The following TBC1D9 variants were observed in gnomAD, a reference collection of about 807,000 sequenced individuals.
TBC1D9 encodes TBC1 domain family member 9, also known as TBC1 domain family member 9A.
Under a neutral mutation model 132.0 loss-of-function variants are expected in TBC1D9, and 63 were observed. The ratio of observed to expected loss-of-function variants is 0.48; its 90% CI spans 0.39 to 0.59. TBC1D9 has a LOEUF of 0.59. Among genes scored for constraint, TBC1D9 ranks in the 20% least tolerant of loss-of-function variants. The pLI is 0.00. For synonymous variants in TBC1D9, 610 were observed against 609.9 expected, an observed-to-expected ratio of 1.00 and a Z score of 0.00; for missense variants, 1,261 against 1,592.7, an observed-to-expected ratio of 0.79 and a Z score of 3.54.
Position 140,747,042 on chromosome 4 carries a change from G to A in TBC1D9, c.130+8874C>T, listed in dbSNP as rs115510857. Among the ~76,000 whole-genome samples the A allele has an allele frequency of 4.1e-3, 619 of 149,368 alleles. 3 individuals are homozygous for A. Among genetic ancestry groups the A allele is most frequent in the African/African-American group, 0.015 (592 of 39,224 alleles). Reference sequence around the variant, plus strand: ...AAAATAAATAAATAAATAAATAAATGCATATAAAGAAGAATACTAAATAGG... The same window carrying A: ...AAAATAAATAAATAAATAAATAAATACATATAAAGAAGAATACTAAATAGG... On this transcript the variant is annotated intron_variant, in intron 1 of 20. Transcript: ENST00000442267.
intron 1 of TBC1D9, among the ~76,000 whole-genome samples, chr4:140,735,425 A>G (rs1738657602): frequency 6.6e-6 from 1 of 152,232 alleles, no homozygotes; most frequent in Admixed American, 6.5e-5. Context: ...ATAAGCATAT[A>G]TGTCAGCTGG....
chr4:140,641,421 ATTG>A (rs1015361241), intron 13 of TBC1D9, among the ~76,000 whole-genome samples: 8 of 152,100 alleles, frequency 5.3e-5, no homozygotes, highest in African/African-American at 1.9e-4. Flanking sequence ...TTTTTGTTTT[ATTG>A]TTGTTGTTAA....
rs561387969 is a variant in TBC1D9 at position 140,698,813 on chromosome 4, C to T, written c.241+2691G>A. ...ACTAAATCCTTGAAGGAGAATTACC[C>T]AGGCAATGGAGCTTGCCAGCAGCCT... On this transcript the variant is annotated intron_variant, in intron 2 of 20. Coordinates refer to ENST00000442267, the MANE Select transcript of TBC1D9 (RefSeq NM_015130.3). Among the ~76,000 whole-genome samples, 4 of 152,268 alleles carry T rather than the reference C, an allele frequency of 2.6e-5. No individual in the cohort carries two copies. The South Asian group carries it at 8.3e-4, about 32-fold the overall frequency.
intron 1 of TBC1D9, among the ~76,000 whole-genome samples, chr4:140,717,436 G>T (rs905449265): frequency 6.6e-6 from 1 of 152,220 alleles, no homozygotes; most frequent in African/African-American, 2.4e-5. Context: ...TAATGGCAAT[G>T]ATTCTTTGTT....
intron 18 of TBC1D9, among the ~76,000 whole-genome samples, chr4:140,624,699 T>C (rs1736678997): frequency 6.6e-6 from 1 of 152,110 alleles, no homozygotes; most frequent in Non-Finnish European, 1.5e-5. Flanking sequence ...CAACACTATC[T>C]CCAGGTAAAG....
intron 6 of TBC1D9, among the ~76,000 whole-genome samples, chr4:140,676,205 T>C (rs1230000957): frequency 6.6e-6 from 1 of 152,218 alleles, no homozygotes; most frequent in Non-Finnish European, 1.5e-5. Flanking sequence ...CCACATTTTC[T>C]TTCCCTCCTG....
At position 140,628,280 on chromosome 4, in the gene TBC1D9, G is replaced by A. The variant is rs767934668; in HGVS notation, c.2812+20C>T. 6 of 1,612,422 alleles carry A rather than the reference G, an allele frequency of 3.7e-6. No homozygotes were observed. The East Asian group carries it at 1.3e-4, about 36-fold the overall frequency. On this transcript the variant is annotated intron_variant, in intron 17 of 20. Coordinates refer to ENST00000442267, the MANE Select transcript of TBC1D9 (RefSeq NM_015130.3). ...GGTCATGGTTACAGACACAAGTACTGCTCCATGTAGCTCACTCACCAGGCA... is the reference window on the plus strand; with the variant it reads ...GGTCATGGTTACAGACACAAGTACTACTCCATGTAGCTCACTCACCAGGCA...
intron 2 of TBC1D9, among the ~76,000 whole-genome samples, chr4:140,687,191 T>A (rs991221320): frequency 1.3e-5 from 2 of 151,254 alleles, no homozygotes; most frequent in Non-Finnish European, 3.0e-5. Flanking sequence ...CAGGGTGTAA[T>A]AGGTATGCCA....
chr4:140,697,172 T>G (rs893609434), intron 2 of TBC1D9, among the ~76,000 whole-genome samples: 1 of 151,398 alleles, frequency 6.6e-6, no homozygotes, highest in Non-Finnish European at 1.5e-5. Context: ...AGCACAGGAG[T>G]TTGAGATTAG....
rs975535921 is a variant in TBC1D9, at chr4:140,621,515, A to G, written c.*680T>C. 1 of 152,152 alleles carries G rather than the reference A, an allele frequency of 6.6e-6. No individual in the cohort carries two copies. Among genetic ancestry groups the G allele is most frequent in the Non-Finnish European group, 1.5e-5 (1 of 68,022 alleles). The allele number at this position is 152,152 out of a possible 1,614,324, so 9.4% of individuals were successfully genotyped here. A position where few individuals can be genotyped will look rare whatever the true frequency, so the allele number is the denominator to read the frequency against. On this transcript the variant is annotated 3_prime_UTR_variant, in exon 21 of 21. Transcript: ENST00000442267. ...TAATCAGAACAATTTCTTAAATGCAAAATTGGTCTGGTATCTGTCTAAATT... is the reference window on the plus strand; with the variant it reads ...TAATCAGAACAATTTCTTAAATGCAGAATTGGTCTGGTATCTGTCTAAATT...
At position 140,679,705 on chromosome 4, in the gene TBC1D9, T is replaced by C; in HGVS notation, c.499A>G (p.Ser167Gly). 1 of 1,613,882 alleles carries C rather than the reference T, an allele frequency of 6.2e-7. No homozygotes were observed. Among genetic ancestry groups the C allele is most frequent in the Non-Finnish European group, 8.5e-7 (1 of 1,179,830 alleles). The change falls in exon 4 of 21, where the codon AGC becomes GGC. Residue 167 changes from serine to glycine, a missense_variant. Around this residue, in one of 3 missense-constraint regions of TBC1D9, gnomAD observed 550 missense variants for 699.0 expected, o/e 0.79. Coordinates refer to ENST00000442267, the MANE Select transcript of TBC1D9 (RefSeq NM_015130.3). Reference protein sequence around the residue: ...EEKLVNYYSCSYWKGKVPRQG... With the variant: ...EEKLVNYYSCGYWKGKVPRQG... ...CGGGGGACCTTCCCCTTCCAATAGC[T>C]GCAAGAGTAATAGTTGACGAGTTTC...
At chr4:140,669,829 C>T in intron 7 of TBC1D9, 25 bp from the exon 8 acceptor site, 1 of 1,593,160 alleles carries the variant, frequency 6.3e-7, no homozygotes, top group Non-Finnish European at 8.6e-7. Flanking sequence ...AGGAACAAGA[C>T]ATTGGGAGGA....
intron 1 of TBC1D9, among the ~76,000 whole-genome samples, chr4:140,731,695 C>A (rs954023215): frequency 1.0e-4 from 13 of 130,222 alleles, no homozygotes; most frequent in Non-Finnish European, 1.6e-4. Context: ...ACACACACAC[C>A]CCAAACATTT....
chr4:140,716,977 G>T (rs1220720605), intron 1 of TBC1D9, among the ~76,000 whole-genome samples: 4 of 150,808 alleles, frequency 2.7e-5, no homozygotes, highest in African/African-American at 9.7e-5. Flanking sequence ...TCCAGGTTTG[G>T]TCTCAACCTA....
At chr4:140,745,739 T>C (rs1260644797) in intron 1 of TBC1D9, among the ~76,000 whole-genome samples, 1 of 152,130 alleles carries the variant, frequency 6.6e-6, no homozygotes, top group African/African-American at 2.4e-5. Flanking sequence ...TCAAAAATTA[T>C]ACAGATTTTT....
intron 1 of TBC1D9, among the ~76,000 whole-genome samples, chr4:140,750,277 T>C (rs1238310476): frequency 2.0e-5 from 3 of 151,998 alleles, no homozygotes; most frequent in Non-Finnish European, 4.4e-5. Context: ...AATTCATAAT[T>C]GTATATGAGG....
intron 1 of TBC1D9, among the ~76,000 whole-genome samples, chr4:140,723,789 T>G (rs557251878): frequency 6.6e-6 from 1 of 152,182 alleles, no homozygotes; most frequent in African/African-American, 2.4e-5. Context: ...AACAAGGTCT[T>G]GCTCTGTTGC....
chr4:140,668,652 T>C (rs1737485170), intron 9 of TBC1D9, among the ~76,000 whole-genome samples: 1 of 152,234 alleles, frequency 6.6e-6, no homozygotes, highest in Non-Finnish European at 1.5e-5. Flanking sequence ...TATTCCTAAA[T>C]AGCCTGACTG....
intron 1 of TBC1D9, among the ~76,000 whole-genome samples, chr4:140,752,072 A>G (rs2111087681): frequency 6.6e-6 from 1 of 152,336 alleles, no homozygotes; most frequent in South Asian, 2.1e-4. Context: ...CTGTTTATAG[A>G]GCAAATAGAA....
Sources: gnomAD v4.1 joint callset for allele counts (sites outside exome capture counted in the v4.1 genomes callset) on GRCh38, gnomAD v4.1.1 for gene constraint, gnomAD v4.1.1 regional missense constraint, MANE v1.5 for transcripts, NCBI Gene and HGNC (gene_info 2026-07-23, HGNC 2026-07-21) for gene names.